The following ALMS1 variants were observed in gnomAD, a reference collection of about 807,000 sequenced individuals.
The protein encoded by ALMS1 is ALMS1 centrosome and basal body associated protein, also known as centrosome-associated protein ALMS1.
A neutral mutation model predicts 352.2 loss-of-function variants in ALMS1; 271 were observed. The observed-to-expected ratio is 0.77, with a 90% confidence interval of 0.70 to 0.85. The LOEUF (loss-of-function observed/expected upper bound fraction) is 0.85, where lower values mean the gene tolerates loss of function less well. Ranked by LOEUF, ALMS1 falls within the 40% of genes least tolerant of loss-of-function variation. The pLI, the probability that ALMS1 is intolerant of heterozygous loss-of-function variation, is 0.00. For missense variants in ALMS1, 5,445 were observed against 4,870.7 expected (o/e 1.12, Z -3.51); for synonymous variants, 1,865 against 1,761.2 (o/e 1.06, Z -1.48).
chr2:73,463,891 A>G (rs544668719), intron 9 of ALMS1, among the ~76,000 whole-genome samples: 1 of 151,946 alleles, frequency 6.6e-6, no homozygotes, highest in Non-Finnish European at 1.5e-5. Flanking sequence ...CCAAGACTAA[A>G]CCAGGAAGAA....
At chr2:73,428,903 T>G (rs1264835939) in intron 6 of ALMS1, among the ~76,000 whole-genome samples, 2 of 152,190 alleles carry the variant, frequency 1.3e-5, no homozygotes, top group Admixed American at 6.5e-5. Context: ...CATAGTTACT[T>G]GGTTCACTTT....
intron 9 of ALMS1, among the ~76,000 whole-genome samples, chr2:73,456,575 T>C (rs766392337): frequency 1.3e-5 from 2 of 152,212 alleles, no homozygotes; most frequent in South Asian, 2.1e-4. Flanking sequence ...AGAATTGATA[T>C]AGCTATCATG....
chr2:73,499,365 A>G (rs1259330403), intron 10 of ALMS1, among the ~76,000 whole-genome samples: 1 of 151,980 alleles, frequency 6.6e-6, no homozygotes, highest in African/African-American at 2.4e-5. Context: ...ATGTGATCCC[A>G]TTTGTCCATT....
At chr2:73,460,989 C>T (rs1022067911) in intron 9 of ALMS1, among the ~76,000 whole-genome samples, 25 of 152,254 alleles carry the variant, frequency 1.6e-4, no homozygotes, top group Admixed American at 9.8e-4. Flanking sequence ...GCCTGCCTGC[C>T]TCTGTAGGCT....
chr2:73,433,286 C>A (rs1233128638), intron 7 of ALMS1, among the ~76,000 whole-genome samples: 2 of 152,064 alleles, frequency 1.3e-5, no homozygotes, highest in Non-Finnish European at 2.9e-5. Context: ...ATCCTTGGTT[C>A]AGGAATACAT....
At chr2:73,409,577 A>G (rs528703552) in intron 2 of ALMS1, among the ~76,000 whole-genome samples, 1 of 152,358 alleles carries the variant, frequency 6.6e-6, no homozygotes, top group African/African-American at 2.4e-5. Flanking sequence ...TATATTTTAA[A>G]GTAAAAAATG....
chr2:73,466,685 C>T (rs548217888), intron 9 of ALMS1, among the ~76,000 whole-genome samples: 18 of 151,798 alleles, frequency 1.2e-4, no homozygotes, highest in South Asian at 4.2e-4. Flanking sequence ...TCAGACTAAA[C>T]GGAAATAATC....
intron 1 of ALMS1, among the ~76,000 whole-genome samples, chr2:73,394,524 A>G (rs1670714926): frequency 6.6e-6 from 1 of 151,828 alleles, no homozygotes; most frequent in Non-Finnish European, 1.5e-5. Flanking sequence ...TTATTTTTGT[A>G]TTTTTAGTGG....
intron 10 of ALMS1, among the ~76,000 whole-genome samples, chr2:73,501,897 G>T (rs1673226174): frequency 6.6e-6 from 1 of 151,956 alleles, no homozygotes. Context: ...GCATGAACAT[G>T]GTGAGATTTT....
intron 15 of ALMS1, among the ~76,000 whole-genome samples, chr2:73,569,295 CT>C (rs1246114875): frequency 6.6e-6 from 1 of 151,832 alleles, no homozygotes; most frequent in Non-Finnish European, 1.5e-5. Context: ...GATTACAGGC[CT>C]GAGCCACCGT....
intron 7 of ALMS1, among the ~76,000 whole-genome samples, chr2:73,439,234 A>G (rs1416780061): frequency 7.0e-6 from 1 of 142,354 alleles, no homozygotes; most frequent in East Asian, 2.1e-4. Context: ...CTTCTGCCTC[A>G]CTCTCTGAGT....
chr2:73,571,508 T>C (rs970155621), intron 15 of ALMS1, among the ~76,000 whole-genome samples: 2 of 152,250 alleles, frequency 1.3e-5, no homozygotes, highest in African/African-American at 4.8e-5. Context: ...AACAGGAGCC[T>C]TCAGGCCAAA....
At chr2:73,494,342 G>A (rs555379101) in intron 10 of ALMS1, among the ~76,000 whole-genome samples, 1 of 152,254 alleles carries the variant, frequency 6.6e-6, no homozygotes, top group African/African-American at 2.4e-5. Context: ...GTTAGAGGTT[G>A]TCCATGTAAC....
intron 16 of ALMS1, among the ~76,000 whole-genome samples, chr2:73,583,739 C>A (rs1289074986): frequency 6.6e-6 from 1 of 152,144 alleles, no homozygotes; most frequent in Non-Finnish European, 1.5e-5. Flanking sequence ...TGAAAGCTAT[C>A]CTTTTCCCAC....
chr2:73,583,894 T>C (rs963787497), intron 16 of ALMS1, among the ~76,000 whole-genome samples: 1 of 152,246 alleles, frequency 6.6e-6, no homozygotes, highest in Non-Finnish European at 1.5e-5. Flanking sequence ...TCTGGTAATA[T>C]GTTTTCAAAT....
chr2:73,565,832 A>G (rs750917137), intron 15 of ALMS1, among the ~76,000 whole-genome samples: 1 of 152,228 alleles, frequency 6.6e-6, no homozygotes, highest in Non-Finnish European at 1.5e-5. Flanking sequence ...CTTGACCAGT[A>G]CTTCTCAAAA....
intron 15 of ALMS1, among the ~76,000 whole-genome samples, chr2:73,563,905 A>G (rs1295556975): frequency 6.6e-6 from 1 of 152,040 alleles, no homozygotes; most frequent in Non-Finnish European, 1.5e-5. Flanking sequence ...ATGGACAAAT[A>G]CAAAATAATA....
chr2:73,479,707 A>G (rs1353383057), intron 9 of ALMS1, among the ~76,000 whole-genome samples: 1 of 152,160 alleles, frequency 6.6e-6, no homozygotes, highest in African/African-American at 2.4e-5. Flanking sequence ...TTGTGTGAAT[A>G]TGTCTTTGTT....
intron 16 of ALMS1, among the ~76,000 whole-genome samples, chr2:73,579,506 G>A (rs988924220): frequency 6.6e-6 from 1 of 151,322 alleles, no homozygotes; most frequent in African/African-American, 2.4e-5. Flanking sequence ...GATTACAGGT[G>A]CACACCACCA....
Sources: allele counts gnomAD v4.1 joint callset (sites outside exome capture counted in the v4.1 genomes callset), GRCh38; gene constraint gnomAD v4.1.1; transcripts MANE v1.5; gene names NCBI Gene and HGNC (gene_info 2026-07-23, HGNC 2026-07-21).